Variants in SLC25A16 observed in about 807,000 individuals in gnomAD.
The protein encoded by SLC25A16 is mitochondrial coenzyme A transporter SLC25A16.
SLC25A16 carries 39 observed loss-of-function variants against 41.5 expected under a neutral mutation model. That is an observed-to-expected ratio of 0.94 (90% CI 0.73 to 1.23). The LOEUF (loss-of-function observed/expected upper bound fraction) is 1.23, where lower values mean the gene tolerates loss of function less well. Ranked by LOEUF, SLC25A16 falls within the 50% of genes most tolerant of loss-of-function variation. The pLI is 0.00. For missense variants in SLC25A16, 421 were observed against 426.9 expected (o/e 0.99, Z 0.12); for synonymous variants, 146 against 147.8 (o/e 0.99, Z 0.09).
intron 6 of SLC25A16, among the ~76,000 whole-genome samples, chr10:68,489,899 C>CA (rs71019017): frequency 0.097 from 8,136 of 83,692 alleles, 715 homozygotes; most frequent in African/African-American, 0.27. Flanking sequence ...GACTCTGTCT[C>CA]AAAAAAAAAA....
Position 68,488,382 on chromosome 10 carries a change from TA to T in SLC25A16, c.773+84del, listed in dbSNP as rs1476562431. 3 of 980,254 alleles carry T rather than the reference TA, an allele frequency of 3.1e-6. No individual in the cohort carries two copies. In the Admixed American group the frequency reaches 9.6e-5, roughly 32 times the overall value. 60.7% of individuals were successfully genotyped at this position (980,254 alleles called of 1,614,324 possible). On this transcript the variant is annotated intron_variant, in intron 7 of 8. Coordinates refer to ENST00000609923, the MANE Select transcript of SLC25A16 (RefSeq NM_152707.4). ...AGGATCCTCTTTTTGAATAATCTAT[TA>T]GAAAAAATAAATGATTAAACAATGC...
chr10:68,512,500 G>A (rs566864855), intron 2 of SLC25A16, among the ~76,000 whole-genome samples: 1 of 128,900 alleles, frequency 7.8e-6, no homozygotes, highest in African/African-American at 3.1e-5. Context: ...TTAGCCGGGC[G>A]TAGTGGCGGG....
In SLC25A16 at chr10:68,481,122, T is replaced by A. The variant is rs549346616; in HGVS notation, c.*2310A>T. On this transcript the variant is annotated 3_prime_UTR_variant, in exon 9 of 9. Coordinates refer to ENST00000609923, the MANE Select transcript of SLC25A16 (RefSeq NM_152707.4). ...GCCTTAGCCTCCCAAGTAGCTGGGA[T>A]TACAGGCGCCCGCCACCATGCCCGG... The A allele has an allele frequency of 3.9e-5, 6 of 152,150 alleles. No homozygotes were observed. Among genetic ancestry groups the A allele is most frequent in the African/African-American group, 1.2e-4 (5 of 41,518 alleles). The allele number at this position is 152,150 out of a possible 1,614,324, so 9.4% of individuals were successfully genotyped here. A position where few individuals can be genotyped will look rare whatever the true frequency, so the allele number is the denominator to read the frequency against.
At chr10:68,486,432 T>C (rs2052564459) in intron 8 of SLC25A16, among the ~76,000 whole-genome samples, 1 of 151,734 alleles carries the variant, frequency 6.6e-6, no homozygotes, top group African/African-American at 2.4e-5. Flanking sequence ...TAGTTTGTTT[T>C]TGTTTTTTTT....
intron 8 of SLC25A16, among the ~76,000 whole-genome samples, chr10:68,486,132 C>A (rs1471086656): frequency 6.7e-6 from 1 of 149,220 alleles, no homozygotes; most frequent in Non-Finnish European, 1.5e-5. Flanking sequence ...GCAGGAGAAT[C>A]GCTTGAACCC....
intron 1 of SLC25A16, among the ~76,000 whole-genome samples, chr10:68,520,962 C>T (rs1195151250): frequency 6.6e-6 from 1 of 150,746 alleles, no homozygotes; most frequent in Non-Finnish European, 1.5e-5. Context: ...GGTGAAACCC[C>T]GTCTCCACTA....
At chr10:68,519,280 A>G (rs1447395891) in intron 1 of SLC25A16, among the ~76,000 whole-genome samples, 1 of 151,722 alleles carries the variant, frequency 6.6e-6, no homozygotes, top group African/African-American at 2.4e-5. Flanking sequence ...CGAGGTCAGG[A>G]GTTCAAGACC....
chr10:68,485,249 C>T (rs925264097), intron 8 of SLC25A16, among the ~76,000 whole-genome samples: 1 of 151,974 alleles, frequency 6.6e-6, no homozygotes, highest in Non-Finnish European at 1.5e-5. Context: ...ACCGCCACAC[C>T]CAGCTAATTT....
At chr10:68,519,509 T>C (rs2053216577) in intron 1 of SLC25A16, among the ~76,000 whole-genome samples, 1 of 151,126 alleles carries the variant, frequency 6.6e-6, no homozygotes, top group Non-Finnish European at 1.5e-5. Context: ...AAGTAAATCA[T>C]AATCATAGCT....
chr10:68,506,779 GACAATCACAGA>G, intron 2 of SLC25A16, 61 bp from the exon 3 acceptor site: 1 of 1,067,938 alleles, frequency 9.4e-7, no homozygotes, highest in Non-Finnish European at 1.3e-6. Flanking sequence ...AAATTTTCAT[GACAATCACAGA>G]TAAAGATTAA....
At chr10:68,486,845 T>C (rs2052571926) in intron 8 of SLC25A16, among the ~76,000 whole-genome samples, 1 of 150,172 alleles carries the variant, frequency 6.7e-6, no homozygotes, top group South Asian at 2.1e-4. Context: ...TAATCCCAGC[T>C]GCTTGGAAGA....
rs371880621 is a variant in SLC25A16 at position 68,516,877 on chromosome 10, C to T, written c.131-34G>A. The T allele has an allele frequency of 7.1e-3, 10,286 of 1,452,894 alleles. 50 individuals are homozygous for T. Among genetic ancestry groups the T allele is most frequent in the Non-Finnish European group, 8.9e-3 (9,186 of 1,037,358 alleles). 90.0% of individuals were successfully genotyped at this position (1,452,894 alleles called of 1,614,324 possible). A position where few individuals can be genotyped will look rare whatever the true frequency, so the allele number is the denominator to read the frequency against. On this transcript the variant is annotated intron_variant, in intron 1 of 8. Transcript: ENST00000609923. ...TTTTCAAAAGGTCAGGAAGAAATTG[C>T]GTACCATTTCTTTCCAGATGGAAAT...
chr10:68,519,014 G>A (rs2133593682), intron 1 of SLC25A16, among the ~76,000 whole-genome samples: 1 of 151,136 alleles, frequency 6.6e-6, no homozygotes, highest in East Asian at 2.0e-4. Flanking sequence ...CCAACATGGA[G>A]AAACCCTGTC....
chr10:68,513,632 G>A (rs965385419), intron 2 of SLC25A16, among the ~76,000 whole-genome samples: 1 of 152,002 alleles, frequency 6.6e-6, no homozygotes, highest in African/African-American at 2.4e-5. Flanking sequence ...GCTCATGCCT[G>A]TAATCCCAGT....
intron 4 of SLC25A16, chr10:68,496,677 C>CT: frequency 1.0e-6 from 1 of 966,956 alleles, no homozygotes; most frequent in Non-Finnish European, 1.2e-6. Flanking sequence ...CTTACTGTCT[C>CT]TACAGTCTAG....
In SLC25A16 at chr10:68,486,523, G is replaced by A. The variant is rs888327673; in HGVS notation, c.842+621C>T. Among the ~76,000 whole-genome samples, 19 of 151,636 alleles carry A rather than the reference G, an allele frequency of 1.3e-4. 1 individual carries two copies. Among genetic ancestry groups the A allele is most frequent in the African/African-American group, 1.5e-4 (6 of 41,320 alleles). On this transcript the variant is annotated intron_variant, in intron 8 of 8. Transcript: ENST00000609923. ...CTAGTAGATGGGATTACAGGCGCCC[G>A]ACACCACATCTGGCTAATTTTTGTA...
At chr10:68,497,095 T>A (rs758697029) in intron 4 of SLC25A16, among the ~76,000 whole-genome samples, 4 of 152,210 alleles carry the variant, frequency 2.6e-5, no homozygotes, top group African/African-American at 7.2e-5. Flanking sequence ...CAGACCCTCA[T>A]CAATTCATCC....
intron 2 of SLC25A16, among the ~76,000 whole-genome samples, chr10:68,509,479 C>A (rs2053016459): frequency 6.6e-6 from 1 of 151,884 alleles, no homozygotes; most frequent in African/African-American, 2.4e-5. Context: ...CTTTGTGGGG[C>A]CAAGGTGGGA....
chr10:68,502,316 C>T (rs2052861660), intron 4 of SLC25A16, among the ~76,000 whole-genome samples: 1 of 151,944 alleles, frequency 6.6e-6, no homozygotes, highest in Non-Finnish European at 1.5e-5. Context: ...AGGAAAAAAA[C>T]TAACATGTTT....
Sources: allele counts gnomAD v4.1 joint callset (sites outside exome capture counted in the v4.1 genomes callset), GRCh38; gene constraint gnomAD v4.1.1; transcripts MANE v1.5; gene names NCBI Gene and HGNC (gene_info 2026-07-23, HGNC 2026-07-21).